The following EML4 variants were observed in gnomAD, a reference collection of about 807,000 sequenced individuals.
EML4 encodes EMAP like 4, also known as echinoderm microtubule-associated protein-like 4.
In EML4, 72 loss-of-function variants were observed where a neutral mutation model predicts 129.0. The observed-to-expected ratio is 0.56, with a 90% CI of 0.46 to 0.68. EML4 has a LOEUF of 0.68. EML4 is among the 30% of genes least tolerant of loss of function. The pLI is 0.00. For missense variants in EML4, 1,363 were observed against 1,190.6 expected (o/e 1.14, Z -2.13); for synonymous variants, 532 against 405.0 (o/e 1.31, Z -3.77).
chr2:42,176,823 T>A (rs993736544), intron 1 of EML4, among the ~76,000 whole-genome samples: 2 of 152,158 alleles, frequency 1.3e-5, no homozygotes, highest in African/African-American at 4.8e-5. Flanking sequence ...AGACAGAGTT[T>A]TGCTTTGTCG....
intron 6 of EML4, 142 bp from the exon 7 acceptor site, chr2:42,280,708 A>G: frequency 1.6e-6 from 1 of 634,370 alleles, no homozygotes; most frequent in Non-Finnish European, 2.6e-6. Flanking sequence ...CAACTATATA[A>G]CAAAAACAAT....
chr2:42,267,576 C>T (rs1243389237), intron 6 of EML4, among the ~76,000 whole-genome samples: 2 of 152,170 alleles, frequency 1.3e-5, no homozygotes, highest in Non-Finnish European at 2.9e-5. Flanking sequence ...ACCTGAAAGG[C>T]CTGTGTCCTT....
intron 6 of EML4, among the ~76,000 whole-genome samples, chr2:42,270,475 T>G (rs1666305197): frequency 6.6e-6 from 1 of 152,142 alleles, no homozygotes; most frequent in Non-Finnish European, 1.5e-5. Flanking sequence ...GGAGGATGGC[T>G]TGAATGCAGG....
At chr2:42,169,787 G>A in intron 1 of EML4, 151 bp downstream of exon 1, 1 of 752,898 alleles carries the variant, frequency 1.3e-6, no homozygotes, top group Non-Finnish European at 2.0e-6. Context: ...CCCCTCCGCG[G>A]ACTCCGGTGG....
At chr2:42,274,143 T>G (rs1307857554) in intron 6 of EML4, among the ~76,000 whole-genome samples, 1 of 152,202 alleles carries the variant, frequency 6.6e-6, no homozygotes, top group Admixed American at 6.5e-5. Flanking sequence ...AGGCTCAAAT[T>G]AAGTAAAGAT....
chr2:42,182,586 A>T (rs974978014), intron 1 of EML4, among the ~76,000 whole-genome samples: 2 of 152,128 alleles, frequency 1.3e-5, no homozygotes, highest in Admixed American at 1.3e-4. Flanking sequence ...GGAGACACCT[A>T]ATCATTTTTA....
intron 1 of EML4, among the ~76,000 whole-genome samples, chr2:42,186,093 A>G (rs151075712): frequency 4.1e-4 from 63 of 152,280 alleles, no homozygotes; most frequent in African/African-American, 1.2e-3. Context: ...TAAAAAGTCT[A>G]TGCTTTTTTA....
In EML4 at chr2:42,261,339, A is replaced by T. The variant is rs746613685; in HGVS notation, c.512+45A>T. 4.8e-6 allele frequency: 7 copies of T among 1,471,948 alleles called. No individual in the cohort carries two copies. The Admixed American group carries it at 1.3e-4, about 28-fold the overall frequency. The allele number at this position is 1,471,948 out of a possible 1,614,324, so 91.2% of individuals were successfully genotyped here. A position where few individuals can be genotyped will look rare whatever the true frequency, so the allele number is the denominator to read the frequency against. The stretch of plus-strand genomic sequence containing the variant: ...ACAGAGCTAGGGAATGGTTGTAATG[A>T]TACCTAAATTCTGTGACTTGGGAAA... On this transcript the variant is annotated intron_variant, in intron 4 of 22. Transcript: ENST00000318522.
At chr2:42,272,143 T>C (rs1004000593) in intron 6 of EML4, among the ~76,000 whole-genome samples, 2 of 151,630 alleles carry the variant, frequency 1.3e-5, no homozygotes, top group African/African-American at 2.4e-5. Flanking sequence ...TTTCTTACTC[T>C]AGTAATTGTT....
At chr2:42,201,748 A>G (rs1672244429) in intron 1 of EML4, among the ~76,000 whole-genome samples, 1 of 152,188 alleles carries the variant, frequency 6.6e-6, no homozygotes, top group African/African-American at 2.4e-5. Context: ...CCCAGATAAC[A>G]CATGATTTCA....
chr2:42,278,983 C>T (rs1666847203), intron 6 of EML4, among the ~76,000 whole-genome samples: 1 of 151,646 alleles, frequency 6.6e-6, no homozygotes, highest in African/African-American at 2.4e-5. Context: ...TGTTTTTTAA[C>T]GTTTTAGTTT....
intron 19 of EML4, among the ~76,000 whole-genome samples, chr2:42,324,070 A>G (rs1220648870): frequency 1.3e-5 from 2 of 150,962 alleles, no homozygotes; most frequent in Admixed American, 6.6e-5. Flanking sequence ...TGAGGTGGGC[A>G]TATCACTTGA....
rs768809050 is a variant in EML4, at chr2:42,326,190, G to A, written c.2279G>A (p.Arg760Gln). Residue 760 changes from arginine to glutamine, a missense_variant, in exon 21 of 23, where the codon CGA becomes CAA. Physicochemically the swap from Arg to Gln is conservative, Grantham distance 43. Transcript: ENST00000318522. The part of the protein sequence containing the change: ...IPNGCKLIRN[R>Q]SDCKDIDWTT... ...AATGGCTGCAAACTAATCAGGAATC[G>A]ATCGGATTGTAAGGACATTGATTGG... The A allele has an allele frequency of 1.9e-6, 3 of 1,613,742 alleles. No individual in the cohort carries two copies. Among genetic ancestry groups the A allele is most frequent in the Admixed American group, 1.7e-5 (1 of 59,982 alleles).
At chr2:42,185,309 C>A (rs1231098672) in intron 1 of EML4, among the ~76,000 whole-genome samples, 1 of 152,114 alleles carries the variant, frequency 6.6e-6, no homozygotes. Context: ...ATTTCAATAT[C>A]CATAAATAAA....
chr2:42,205,190 T>G (rs1300216320), intron 1 of EML4, among the ~76,000 whole-genome samples: 1 of 152,188 alleles, frequency 6.6e-6, no homozygotes, highest in Non-Finnish European at 1.5e-5. Context: ...TAGATTACAA[T>G]TTGACATTTA....
At chr2:42,317,688 C>T (rs1279015375) in intron 19 of EML4, among the ~76,000 whole-genome samples, 164 bp downstream of exon 19, 1 of 152,132 alleles carries the variant, frequency 6.6e-6, no homozygotes, top group Admixed American at 6.5e-5. Context: ...CATCAGAGTT[C>T]CCTGTGTGCT....
intron 10 of EML4, among the ~76,000 whole-genome samples, chr2:42,287,660 G>A (rs1667384876): frequency 6.6e-6 from 1 of 152,028 alleles, no homozygotes; most frequent in Non-Finnish European, 1.5e-5. Context: ...GAATGAGAAT[G>A]GTTTCAGAAA....
At chr2:42,185,877 T>G (rs1250593391) in intron 1 of EML4, among the ~76,000 whole-genome samples, 1 of 152,134 alleles carries the variant, frequency 6.6e-6, no homozygotes, top group Non-Finnish European at 1.5e-5. Context: ...CTGAAACAGG[T>G]CTTCCCTCTG....
chr2:42,206,808 A>T (rs895126275), intron 1 of EML4, among the ~76,000 whole-genome samples: 3 of 152,234 alleles, frequency 2.0e-5, no homozygotes, highest in Non-Finnish European at 4.4e-5. Context: ...AATTACAATA[A>T]TTGCTGGTTG....
Sources: gnomAD v4.1 joint callset for allele counts (sites outside exome capture counted in the v4.1 genomes callset) on GRCh38, gnomAD v4.1.1 for gene constraint, MANE v1.5 for transcripts, NCBI Gene and HGNC (gene_info 2026-07-23, HGNC 2026-07-21) for gene names.